TNIK: variants seen among roughly 807,000 people sequenced by gnomAD.
TNIK encodes the protein TRAF2 and NCK interacting kinase.
A neutral mutation model predicts 191.3 loss-of-function variants in TNIK; 49 were observed. That is an observed-to-expected ratio of 0.26 (90% confidence interval 0.20 to 0.32). TNIK has a LOEUF of 0.32. Among genes scored for constraint, TNIK ranks in the 10% least tolerant of loss-of-function variants. The probability of loss-of-function intolerance (pLI) is 1.00; values close to 1 mark genes in which losing one functional copy is unlikely to be tolerated. For missense variants in TNIK, 1,155 were observed against 1,702.3 expected, an observed-to-expected ratio of 0.68 and a Z score of 5.66; for synonymous variants, 594 against 600.9, an observed-to-expected ratio of 0.99 and a Z score of 0.17.
chr3:171,416,115 C>T (rs2108616991), intron 1 of TNIK, among the ~76,000 whole-genome samples: 1 of 152,014 alleles, frequency 6.6e-6, no homozygotes, highest in South Asian at 2.1e-4. Flanking sequence ...AATTTCATCG[C>T]ATGCCTCAGA....
chr3:171,061,592 C>A lies in TNIK; in HGVS notation c.*2289G>T, dbSNP rs964478825. On this transcript the variant is annotated 3_prime_UTR_variant, in exon 33 of 33. Transcript: ENST00000436636. Reference sequence around the variant, plus strand: ...AAAGCTGTGTGTTTCAAACTTATCACTTAGAAATAAAAACAAAACAAAACA... The same window carrying A: ...AAAGCTGTGTGTTTCAAACTTATCAATTAGAAATAAAAACAAAACAAAACA... The A allele has an allele frequency of 2.0e-5, 3 of 152,104 alleles. No individual in the cohort carries two copies. Among genetic ancestry groups the A allele is most frequent in the African/African-American group, 7.2e-5 (3 of 41,424 alleles). The allele number at this position is 152,104 out of a possible 1,614,324, so 9.4% of individuals were successfully genotyped here.
intron 23 of TNIK, among the ~76,000 whole-genome samples, chr3:171,090,709 G>T (rs1242028966): frequency 6.6e-6 from 1 of 152,166 alleles, no homozygotes; most frequent in Non-Finnish European, 1.5e-5. Flanking sequence ...TGGACAAATG[G>T]CAGCTCACAG....
intron 2 of TNIK, among the ~76,000 whole-genome samples, chr3:171,268,257 C>T (rs962900135): frequency 1.3e-5 from 2 of 152,096 alleles, no homozygotes; most frequent in Non-Finnish European, 1.5e-5. Flanking sequence ...CTAATTTTAG[C>T]AAGAGTCCTG....
At chr3:171,112,455 A>G (rs897048760) in intron 18 of TNIK, among the ~76,000 whole-genome samples, 1 of 152,070 alleles carries the variant, frequency 6.6e-6, no homozygotes, top group Non-Finnish European at 1.5e-5. Flanking sequence ...TCTTACAAAC[A>G]TTTTTTTCTG....
chr3:171,439,585 T>G (rs923281097), intron 1 of TNIK: 7 of 152,162 alleles, frequency 4.6e-5, no homozygotes, highest in African/African-American at 1.7e-4. Flanking sequence ...GTATTAAATT[T>G]TGTTCTTTCT....
At chr3:171,292,313 G>C (rs1391158357) in intron 2 of TNIK, among the ~76,000 whole-genome samples, 1 of 152,192 alleles carries the variant, frequency 6.6e-6, no homozygotes, top group Non-Finnish European at 1.5e-5. Context: ...TATGAATATT[G>C]TTGTGGAGAC....
At chr3:171,368,474 T>C (rs1716045110) in intron 2 of TNIK, among the ~76,000 whole-genome samples, 1 of 152,174 alleles carries the variant, frequency 6.6e-6, no homozygotes, top group African/African-American at 2.4e-5. Flanking sequence ...TCAGACAGGA[T>C]CAACGTCAAG....
chr3:171,110,207 T>C (rs2108501188), intron 19 of TNIK, among the ~76,000 whole-genome samples: 2 of 152,302 alleles, frequency 1.3e-5, no homozygotes, highest in South Asian at 4.2e-4. Context: ...ACACTCGGCC[T>C]AAATATGCTT....
intron 29 of TNIK, among the ~76,000 whole-genome samples, chr3:171,070,796 C>G (rs905380603): frequency 6.6e-6 from 1 of 152,206 alleles, no homozygotes; most frequent in Non-Finnish European, 1.5e-5. Flanking sequence ...GTTTTAGGGA[C>G]TTCATTCAGA....
chr3:171,370,683 G>C (rs1378031214), intron 1 of TNIK, among the ~76,000 whole-genome samples: 1 of 152,186 alleles, frequency 6.6e-6, no homozygotes, highest in African/African-American at 2.4e-5. Flanking sequence ...GAGGGAGGTA[G>C]GGTATGGTAT....
At chr3:171,303,368 CTA>C (rs1753086808) in intron 2 of TNIK, among the ~76,000 whole-genome samples, 1 of 152,154 alleles carries the variant, frequency 6.6e-6, no homozygotes, top group Non-Finnish European at 1.5e-5. Flanking sequence ...AATTAATAAT[CTA>C]TGATATCTTC....
At chr3:171,355,990 T>C (rs765176063) in intron 2 of TNIK, among the ~76,000 whole-genome samples, 10 of 152,138 alleles carry the variant, frequency 6.6e-5, no homozygotes, top group Admixed American at 1.3e-4. Flanking sequence ...AACAGGTAAC[T>C]GGCCTTCCCC....
chr3:171,440,080 A>T (rs111971565), intron 1 of TNIK, among the ~76,000 whole-genome samples: 217 of 152,278 alleles, frequency 1.4e-3, no homozygotes, highest in Non-Finnish European at 2.1e-3. Flanking sequence ...GATAGCCAAG[A>T]CCATGCTAGG....
At chr3:171,144,224 T>C (rs780441465) in intron 12 of TNIK, among the ~76,000 whole-genome samples, 6 of 152,216 alleles carry the variant, frequency 3.9e-5, no homozygotes, top group Non-Finnish European at 7.3e-5. Context: ...TTCAGTTGCT[T>C]CTTATAAGTT....
intron 28 of TNIK, 105 bp from the exon 29 acceptor site, chr3:171,071,428 T>C (rs1306823502): frequency 3.6e-6 from 3 of 826,972 alleles, no homozygotes; most frequent in Non-Finnish European, 5.4e-6. Context: ...TAAATATTGA[T>C]GTTGGGTGTC....
chr3:171,185,548 A>C (rs1737252468), intron 7 of TNIK, among the ~76,000 whole-genome samples: 1 of 152,212 alleles, frequency 6.6e-6, no homozygotes, highest in South Asian at 2.1e-4. Flanking sequence ...TTCTGAAAAC[A>C]AGAAAGGAAG....
intron 1 of TNIK, among the ~76,000 whole-genome samples, chr3:171,449,036 A>T (rs1727858496): frequency 6.6e-6 from 1 of 151,928 alleles, no homozygotes; most frequent in Non-Finnish European, 1.5e-5. Flanking sequence ...GTTTGCTGAG[A>T]ATGATGGTTT....
intron 1 of TNIK, among the ~76,000 whole-genome samples, chr3:171,372,993 T>C (rs1217949651): frequency 6.6e-6 from 1 of 152,166 alleles, no homozygotes; most frequent in East Asian, 1.9e-4. Context: ...GACACCTCAG[T>C]ACTGACCCTA....
intron 2 of TNIK, among the ~76,000 whole-genome samples, chr3:171,287,846 C>T (rs1751184254): frequency 6.6e-6 from 1 of 152,072 alleles, no homozygotes; most frequent in African/African-American, 2.4e-5. Flanking sequence ...AAACAGGATG[C>T]TGCTATAAAG....
Sources: allele counts gnomAD v4.1 joint callset (sites outside exome capture counted in the v4.1 genomes callset), GRCh38; gene constraint gnomAD v4.1.1; transcripts MANE v1.5; gene names NCBI Gene and HGNC (gene_info 2026-07-23, HGNC 2026-07-21).